RNF144A: variants seen among roughly 807,000 people sequenced by gnomAD.
RNF144A encodes E3 ubiquitin-protein ligase RNF144A.
A neutral mutation model predicts 38.7 loss-of-function variants in RNF144A; 11 were observed. The ratio of observed to expected loss-of-function variants is 0.28; its 90% CI spans 0.18 to 0.47. The LOEUF (loss-of-function observed/expected upper bound fraction) is 0.47, where lower values mean the gene tolerates loss of function less well. RNF144A is among the 20% of genes least tolerant of loss of function. RNF144A has a pLI of 0.99. For missense variants in RNF144A, 316 were observed against 377.2 expected, an observed-to-expected ratio of 0.84 and a Z score of 1.34; for synonymous variants, 149 against 143.9, an observed-to-expected ratio of 1.04 and a Z score of -0.25.
chr2:6,961,938 C>T (rs1452986910), intron 2 of RNF144A, among the ~76,000 whole-genome samples: 2 of 152,154 alleles, frequency 1.3e-5, no homozygotes, highest in East Asian at 1.9e-4. Context: ...GAAACAGCCT[C>T]GTTGTCTGGG....
chr2:7,070,540 T>C (rs1484806619), downstream of RNF144A, among the ~76,000 whole-genome samples: 3 of 152,188 alleles, frequency 2.0e-5, no homozygotes, highest in Admixed American at 1.3e-4. Flanking sequence ...TCCCAGTACA[T>C]GTGAATGTAA....
At chr2:7,008,774 C>T (rs1187380171) in intron 3 of RNF144A, among the ~76,000 whole-genome samples, 1 of 152,222 alleles carries the variant, frequency 6.6e-6, no homozygotes, top group Non-Finnish European at 1.5e-5. Context: ...TGCTGTCGTG[C>T]CTTGCTCCTG....
intron 3 of RNF144A, among the ~76,000 whole-genome samples, chr2:7,009,639 T>G (rs1670668456): frequency 6.6e-6 from 1 of 151,962 alleles, no homozygotes; most frequent in Non-Finnish European, 1.5e-5. Flanking sequence ...TGCCAGAACA[T>G]GTACTGTGCA....
At chr2:6,996,482 A>G (rs1162783250) in intron 2 of RNF144A, among the ~76,000 whole-genome samples, 1 of 152,146 alleles carries the variant, frequency 6.6e-6, no homozygotes, top group African/African-American at 2.4e-5. Context: ...GACCCCAGGC[A>G]GGCACCCCTG....
At chr2:7,053,177 C>T (rs1442568272) in intron 6 of RNF144A, among the ~76,000 whole-genome samples, 1 of 152,152 alleles carries the variant, frequency 6.6e-6, no homozygotes, top group Non-Finnish European at 1.5e-5. Context: ...TCTACCGTTT[C>T]TAAAAATGTG....
At chr2:7,021,657 T>A (rs1671543050) in intron 6 of RNF144A, among the ~76,000 whole-genome samples, 1 of 152,206 alleles carries the variant, frequency 6.6e-6, no homozygotes, top group Non-Finnish European at 1.5e-5. Context: ...CCCCTGAGAT[T>A]CTCTGCATTG....
chr2:6,917,945 C>T lies in RNF144A; in HGVS notation c.-212+323C>T, dbSNP rs1228287675. Among the ~76,000 whole-genome samples, 2 of 151,594 alleles carry T rather than the reference C, an allele frequency of 1.3e-5. No individual in the cohort carries two copies. Among genetic ancestry groups the T allele is most frequent in the Non-Finnish European group, 2.9e-5 (2 of 67,858 alleles). On this transcript the variant is annotated intron_variant, in intron 1 of 8. Coordinates refer to ENST00000320892, the MANE Select transcript of RNF144A (RefSeq NM_014746.6). This position sits in a 1 kb window ranked among gnomAD's most constrained non-coding sequence, Gnocchi z 4.8. ...GGGCGCTTAGGGACCTGGCGTCCCC[C>T]TGCCTGCCCTGCGCGGTCGCGGGTC...
At chr2:6,953,812 G>C (rs917161170) in intron 2 of RNF144A, among the ~76,000 whole-genome samples, 6 of 152,132 alleles carry the variant, frequency 3.9e-5, no homozygotes, top group Admixed American at 3.3e-4. Context: ...AGTTTTGCAT[G>C]TTTGCCATTT....
chr2:7,052,702 T>C (rs1239248132), intron 6 of RNF144A, among the ~76,000 whole-genome samples: 1 of 152,140 alleles, frequency 6.6e-6, no homozygotes, highest in African/African-American at 2.4e-5. Context: ...ACCCCCATGC[T>C]GAGAGCATGT....
chr2:7,011,507 C>A (rs1670799899), intron 3 of RNF144A, among the ~76,000 whole-genome samples: 3 of 152,160 alleles, frequency 2.0e-5, no homozygotes, highest in Admixed American at 6.5e-5. Context: ...TGTCTCTGAG[C>A]CTTGGTTTTC....
Position 7,040,655 on chromosome 2 carries a change from TTGC to T in RNF144A, c.*899_*901del. Reference sequence around the variant, plus strand: ...TGCTCGGCAATGGTTCTCCTCCGAATTGCTGCCGTCTGGCCTCTGGCCTCAGTC... The same window carrying T: ...TGCTCGGCAATGGTTCTCCTCCGAATTGCCGTCTGGCCTCTGGCCTCAGTC... On this transcript the variant is annotated 3_prime_UTR_variant, in exon 9 of 9. Transcript: ENST00000320892. 1.0e-6 allele frequency: 1 copy of T among 985,512 alleles called. No homozygotes were observed. The highest frequency in any genetic ancestry group is 4.7e-5 in the South Asian group (1 of 21,294). 61.0% of individuals were successfully genotyped at this position (985,512 alleles called of 1,614,324 possible). A position where few individuals can be genotyped will look rare whatever the true frequency, so the allele number is the denominator to read the frequency against.
At position 7,039,984 on chromosome 2, in the gene RNF144A, C is replaced by T. The variant is rs886558032; in HGVS notation, c.*224C>T. 6 of 1,335,986 alleles carry T rather than the reference C, an allele frequency of 4.5e-6. No individual in the cohort carries two copies. Among genetic ancestry groups the T allele is most frequent in the Non-Finnish European group, 5.8e-6 (6 of 1,041,096 alleles). The allele number at this position is 1,335,986 out of a possible 1,614,324, so 82.8% of individuals were successfully genotyped here. A position where few individuals can be genotyped will look rare whatever the true frequency, so the allele number is the denominator to read the frequency against. ...GGCAGGTGTGGGTAGCGCACATCCCCACAGATCAATCTCTGCAGATGACAG... is the reference window on the plus strand; with the variant it reads ...GGCAGGTGTGGGTAGCGCACATCCCTACAGATCAATCTCTGCAGATGACAG... On this transcript the variant is annotated 3_prime_UTR_variant, in exon 9 of 9. Transcript: ENST00000320892.
At chr2:6,971,229 T>C (rs1233478866) in intron 2 of RNF144A, among the ~76,000 whole-genome samples, 3 of 152,178 alleles carry the variant, frequency 2.0e-5, no homozygotes, top group Non-Finnish European at 4.4e-5. Context: ...CCCAGGCCTC[T>C]TGGGACGGGT....
At chr2:6,960,021 A>G (rs1289196536) in intron 2 of RNF144A, among the ~76,000 whole-genome samples, 2 of 152,240 alleles carry the variant, frequency 1.3e-5, no homozygotes, top group Non-Finnish European at 2.9e-5. Context: ...TGTGGCCTGT[A>G]TTCCGGAGAC....
intron 7 of RNF144A, among the ~76,000 whole-genome samples, chr2:7,028,429 C>G (rs1672067173): frequency 6.6e-6 from 1 of 152,184 alleles, no homozygotes; most frequent in African/African-American, 2.4e-5. Context: ...TGCCTCAGAC[C>G]TCGGAGTCAG....
Position 6,962,770 on chromosome 2 carries a change from C to A in RNF144A, c.-12+21623C>A, listed in dbSNP as rs1005930923. Among the ~76,000 whole-genome samples, 5 of 152,304 alleles carry A rather than the reference C, an allele frequency of 3.3e-5. No homozygotes were observed. The highest frequency in any genetic ancestry group is 1.2e-4 in the African/African-American group (5 of 41,568). On this transcript the variant is annotated intron_variant, in intron 2 of 8. Coordinates refer to ENST00000320892, the MANE Select transcript of RNF144A (RefSeq NM_014746.6). The surrounding 1 kb of genome is among the most constrained non-coding windows in gnomAD (Gnocchi z 4.1). The stretch of plus-strand genomic sequence containing the variant: ...ACAGCATAAACTTCCAGAGGCAGGG[C>A]AATACCTTTTCCATTACTGAGCACA...
At position 7,014,503 on chromosome 2, in the gene RNF144A, C is replaced by A. The variant is rs749859532; in HGVS notation, c.185C>A (p.Ala62Glu). 1.2e-6 allele frequency: 2 copies of A among 1,611,064 alleles called. No homozygotes were observed. Among genetic ancestry groups the A allele is most frequent in the South Asian group, 1.1e-5 (1 of 90,384 alleles). ...ELLIKEGLET[A>E]ISCPDAACPK... is the part of the protein sequence containing the mutation. ...TTGATCAAAGAAGGATTAGAAACCG[C>A]AATTAGCTGCCCAGATGCTGCCTGC... The change falls in exon 4 of 9, where the codon GCA (alanine) becomes GAA (glutamate). Residue 62 changes from alanine (A) to glutamate (E), a missense_variant. Transcript: ENST00000320892.
intron 3 of RNF144A, among the ~76,000 whole-genome samples, chr2:7,008,849 G>T (rs539459852): frequency 6.6e-6 from 1 of 152,226 alleles, no homozygotes; most frequent in South Asian, 2.1e-4. Context: ...CCAGGTCCCT[G>T]CATGCCACCC....
At chr2:7,039,450 A>G (rs1672905333) in intron 8 of RNF144A, among the ~76,000 whole-genome samples, 179 bp from the exon 9 acceptor site, 1 of 151,026 alleles carries the variant, frequency 6.6e-6, no homozygotes, top group African/African-American at 2.4e-5. Flanking sequence ...GAGATATATG[A>G]TGGTTAATGG....
Sources: gnomAD v4.1 joint callset for allele counts (sites outside exome capture counted in the v4.1 genomes callset) on GRCh38, gnomAD v4.1.1 for gene constraint, Gnocchi (gnomAD v3.1) non-coding constraint, MANE v1.5 for transcripts, NCBI Gene and HGNC (gene_info 2026-07-23, HGNC 2026-07-21) for gene names.